The following AGTPBP1 variants were observed in gnomAD, a reference collection of about 807,000 sequenced individuals.
AGTPBP1 encodes the protein ATP/GTP binding carboxypeptidase 1.
Under a neutral mutation model 143.9 loss-of-function variants are expected in AGTPBP1, and 70 were observed. The ratio of observed to expected loss-of-function variants is 0.49; its 90% confidence interval spans 0.40 to 0.59. The LOEUF is 0.59. AGTPBP1 is among the 20% of genes least tolerant of loss of function. AGTPBP1 has a pLI of 0.00. For synonymous variants in AGTPBP1, 463 were observed against 500.2 expected (o/e 0.93, Z 0.99); for missense variants, 1,229 against 1,464.5 (o/e 0.84, Z 2.62).
Position 85,641,846 on chromosome 9 carries a change from G to A in AGTPBP1, c.1302+981C>T, listed in dbSNP as rs547525925. ...TCCGAGTAGCTGCAACTACAGGTGT[G>A]TCTCATCACGCCCGGCTAATTTTCT... On this transcript the variant is annotated intron_variant, in intron 13 of 25. Coordinates refer to ENST00000357081, the MANE Select transcript of AGTPBP1 (RefSeq NM_001330701.2). Among the ~76,000 whole-genome samples, 5 of 152,034 alleles carry A rather than the reference G, an allele frequency of 3.3e-5. No homozygotes were observed. In the South Asian group the frequency reaches 1.0e-3, roughly 32 times the overall value.
At position 85,633,101 on chromosome 9, in the gene AGTPBP1, A is replaced by G. The variant is rs1310326967; in HGVS notation, c.1576T>C (p.Leu526=). The change falls in exon 14 of 26, where the codon TTA becomes CTA. Residue 526 remains leucine, a synonymous_variant. Transcript: ENST00000357081. ...AAGGCCTTTACAATATCATTGTTTA[A>G]ACCATGGACTGATGAAATAGTTCTA... The part of the protein sequence containing the change: ...QNRTISSVHG[L]NNDIVKALDR... 1 of 1,614,058 alleles carries G rather than the reference A, an allele frequency of 6.2e-7. No individual in the cohort carries two copies. The highest frequency in any genetic ancestry group is 2.2e-5 in the East Asian group (1 of 44,892).
chr9:85,590,182 T>C (rs1262106878), intron 19 of AGTPBP1, among the ~76,000 whole-genome samples: 1 of 152,140 alleles, frequency 6.6e-6, no homozygotes, highest in African/African-American at 2.4e-5. Flanking sequence ...TGTTGTAAAA[T>C]GTCTGAAAGA....
At chr9:85,758,323 A>T in the AGTPBP1 span, among the ~76,000 whole-genome samples, 1 of 152,188 alleles carries the variant, frequency 6.6e-6, no homozygotes, top group African/African-American at 2.4e-5. Context: ...GTTATGAAAA[A>T]CATGAAAGAG....
At chr9:85,786,059 A>G in the AGTPBP1 span, 4 of 1,354,932 alleles carry the variant, frequency 3.0e-6, no homozygotes, top group East Asian at 2.3e-5. Flanking sequence ...CCTAATTTTG[A>G]GGAAATAATA....
rs555979293 is a variant in AGTPBP1, at chr9:85,564,291, C to T, written c.3503+11024G>A. 2.0e-5 allele frequency among the ~76,000 whole-genome samples: 3 copies of T among 152,370 alleles called. No individual in the cohort carries two copies. The South Asian group carries it at 6.2e-4, about 32-fold the overall frequency. ...TTCAAGCCTTCAGGTTTTGGACATG[C>T]TCAAGAATTGTCACTTCTTTTTCTT... On this transcript the variant is annotated intron_variant, in intron 25 of 25. Coordinates refer to ENST00000357081, the MANE Select transcript of AGTPBP1 (RefSeq NM_001330701.2).
intron 12 of AGTPBP1, among the ~76,000 whole-genome samples, chr9:85,644,774 C>T (rs1194302737): frequency 6.6e-6 from 1 of 151,814 alleles, no homozygotes; most frequent in Non-Finnish European, 1.5e-5. Context: ...AAAGTTATAA[C>T]CATAAGAGAA....
intron 1 of AGTPBP1, chr9:85,741,300 G>C: frequency 1.0e-6 from 1 of 985,388 alleles, no homozygotes; most frequent in Non-Finnish European, 1.2e-6. Flanking sequence ...GGGAACGCTA[G>C]AATTCTCGAA....
intron 2 of AGTPBP1, among the ~76,000 whole-genome samples, chr9:85,698,264 A>G (rs564992313): frequency 1.3e-5 from 2 of 152,350 alleles, no homozygotes; most frequent in East Asian, 3.9e-4. Flanking sequence ...CCACTACAAA[A>G]GAAAACTTTC....
chr9:85,755,284 T>C, the AGTPBP1 span, among the ~76,000 whole-genome samples: 291 of 152,324 alleles, frequency 1.9e-3, no homozygotes, highest in African/African-American at 6.7e-3. Context: ...GTTGTTTTGG[T>C]GGCAGTGCTT....
intron 7 of AGTPBP1, among the ~76,000 whole-genome samples, chr9:85,670,434 GTAA>G (rs1834413306): frequency 6.6e-6 from 1 of 152,196 alleles, no homozygotes; most frequent in Non-Finnish European, 1.5e-5. Flanking sequence ...TAGGTAACAG[GTAA>G]TGAGGACTTT....
intron 25 of AGTPBP1, among the ~76,000 whole-genome samples, chr9:85,550,762 G>A (rs543043897): frequency 7.6e-4 from 115 of 152,212 alleles, no homozygotes; most frequent in Non-Finnish European, 1.4e-3. Flanking sequence ...CATTCACTCC[G>A]TGAGTCATGC....
chr9:85,801,184 C>A, the AGTPBP1 span, among the ~76,000 whole-genome samples: 1 of 151,930 alleles, frequency 6.6e-6, no homozygotes, highest in African/African-American at 2.4e-5. Context: ...TGGTGGCATG[C>A]ACCTGTAGTC....
At chr9:85,693,792 T>A (rs570098308) in intron 2 of AGTPBP1, among the ~76,000 whole-genome samples, 15 of 151,772 alleles carry the variant, frequency 9.9e-5, no homozygotes, top group African/African-American at 3.6e-4. Flanking sequence ...ATTGGGGGAA[T>A]AAAAAGTGCA....
the AGTPBP1 span, among the ~76,000 whole-genome samples, chr9:85,795,834 T>C: frequency 6.6e-6 from 1 of 151,236 alleles, no homozygotes; most frequent in Non-Finnish European, 1.5e-5. Flanking sequence ...TGGAGGTTTT[T>C]ATCCCTTTCT....
chr9:85,561,190 C>T (rs573648802), intron 25 of AGTPBP1, among the ~76,000 whole-genome samples: 1 of 151,902 alleles, frequency 6.6e-6, no homozygotes, highest in East Asian at 1.9e-4. Flanking sequence ...GGTGAAACCC[C>T]GTTTCTATTA....
At chr9:85,788,637 C>T in the AGTPBP1 span, among the ~76,000 whole-genome samples, 1 of 149,144 alleles carries the variant, frequency 6.7e-6, no homozygotes. Context: ...AATATATACA[C>T]TTGTATATAA....
chr9:85,621,216 G>A lies in AGTPBP1; in HGVS notation c.2085C>T (p.Asp695=). The stretch of plus-strand genomic sequence containing the variant: ...TCAAGACTTACTTTGGGTTATCCAA[G>A]TCATATACCACACGATCTATGATAT... ...QSDIIDRVVY[D]LDNPNYTIPE... is the part of the protein sequence containing the mutation. Residue 695 remains aspartate (D), a synonymous_variant, in exon 15 of 26, where the codon GAC becomes GAT. Transcript: ENST00000357081. 1 of 1,466,566 alleles carries A rather than the reference G, an allele frequency of 6.8e-7. No individual in the cohort carries two copies. 90.8% of individuals were successfully genotyped at this position (1,466,566 alleles called of 1,614,324 possible).
the AGTPBP1 span, among the ~76,000 whole-genome samples, chr9:85,801,664 A>T: frequency 6.6e-5 from 10 of 152,182 alleles, no homozygotes; most frequent in Non-Finnish European, 1.3e-4. Flanking sequence ...GGCAGTTACC[A>T]TCGTAATTTG....
intron 11 of AGTPBP1, among the ~76,000 whole-genome samples, chr9:85,650,368 T>C (rs973341000): frequency 1.3e-5 from 2 of 152,044 alleles, no homozygotes; most frequent in Non-Finnish European, 2.9e-5. Flanking sequence ...CCTCAGTCTA[T>C]TCAATGTGTA....
Sources: allele counts gnomAD v4.1 joint callset (sites outside exome capture counted in the v4.1 genomes callset), GRCh38; gene constraint gnomAD v4.1.1; transcripts MANE v1.5; gene names NCBI Gene and HGNC (gene_info 2026-07-23, HGNC 2026-07-21).